Variants in ARB2A observed in about 807,000 individuals in gnomAD.
ARB2A encodes ARB2 cotranscriptional regulator A.
the ARB2A span, among the ~76,000 whole-genome samples, chr5:94,018,497 C>A: frequency 6.6e-6 from 1 of 152,100 alleles, no homozygotes; most frequent in Non-Finnish European, 1.5e-5. Flanking sequence ...CTACCAAAAA[C>A]TGAAGAGCAA....
chr5:93,817,502 C>T, the ARB2A span, among the ~76,000 whole-genome samples: 1 of 152,086 alleles, frequency 6.6e-6, no homozygotes. Flanking sequence ...AAAAGCAAGA[C>T]CTAGAACAGC....
At chr5:93,620,879 T>C in the ARB2A span, 1 of 1,469,260 alleles carries the variant, frequency 6.8e-7, no homozygotes, top group Non-Finnish European at 9.1e-7. Context: ...CCCTGGGCTC[T>C]GGGAAGAAAA....
the ARB2A span, among the ~76,000 whole-genome samples, chr5:93,877,554 T>C: frequency 8.5e-5 from 13 of 152,206 alleles, no homozygotes; most frequent in Admixed American, 3.3e-4. Flanking sequence ...CCAAAACATA[T>C]AAAGCACGCT....
chr5:94,077,372 C>CAA, the ARB2A span, among the ~76,000 whole-genome samples: 6 of 108,768 alleles, frequency 5.5e-5, no homozygotes, highest in Non-Finnish European at 9.6e-5. Context: ...GACTCTGTCT[C>CAA]AAAAAAAAAA....
the ARB2A span, among the ~76,000 whole-genome samples, chr5:94,091,100 C>T: frequency 1.1e-3 from 165 of 152,086 alleles, 1 homozygote; most frequent in African/African-American, 3.4e-3. Context: ...AGGAAGTGGA[C>T]GCGCAAGACA....
chr5:94,111,625 G>C, the ARB2A span: 1 of 152,228 alleles, frequency 6.6e-6, no homozygotes, highest in Non-Finnish European at 1.5e-5. Context: ...CTCGGGATCC[G>C]CGCCCCGACC....
chr5:93,937,183 G>C, the ARB2A span, among the ~76,000 whole-genome samples: 1 of 151,340 alleles, frequency 6.6e-6, no homozygotes, highest in Non-Finnish European at 1.5e-5. Context: ...AATTATAAAG[G>C]TTTAATATAA....
the ARB2A span, among the ~76,000 whole-genome samples, chr5:93,672,924 T>C: frequency 6.6e-6 from 1 of 152,206 alleles, no homozygotes; most frequent in Non-Finnish European, 1.5e-5. Context: ...GTTTCTCGCA[T>C]TTCTACTTGG....
chr5:93,741,536 A>T, the ARB2A span: 6 of 1,595,148 alleles, frequency 3.8e-6, no homozygotes, highest in Non-Finnish European at 5.1e-6. Flanking sequence ...AGGGGGCAGA[A>T]GTGGTTTGAG....
the ARB2A span, among the ~76,000 whole-genome samples, chr5:93,724,643 T>G: frequency 6.6e-6 from 1 of 151,994 alleles, no homozygotes; most frequent in Non-Finnish European, 1.5e-5. Context: ...CAAGCTAATT[T>G]TGAAATATAG....
chr5:94,015,194 C>A, the ARB2A span, among the ~76,000 whole-genome samples: 1 of 152,176 alleles, frequency 6.6e-6, no homozygotes, highest in East Asian at 1.9e-4. Context: ...AGTCTGGCAA[C>A]AGACTTCTCA....
chr5:94,062,509 G>A, the ARB2A span, among the ~76,000 whole-genome samples: 1 of 152,254 alleles, frequency 6.6e-6, no homozygotes, highest in Non-Finnish European at 1.5e-5. Flanking sequence ...TGTGGGAAAA[G>A]GATAAGTGAA....
At chr5:93,889,311 C>A in the ARB2A span, among the ~76,000 whole-genome samples, 1 of 151,626 alleles carries the variant, frequency 6.6e-6, no homozygotes, top group Non-Finnish European at 1.5e-5. Context: ...GTGTTGTATA[C>A]ATTCACATAT....
the ARB2A span, among the ~76,000 whole-genome samples, chr5:93,806,204 T>C: frequency 0.021 from 3,118 of 151,984 alleles, 108 homozygotes; most frequent in African/African-American, 0.071. Flanking sequence ...ACAGATTGGA[T>C]TTAGTTTTGA....
At chr5:94,097,151 T>C in the ARB2A span, among the ~76,000 whole-genome samples, 1 of 152,202 alleles carries the variant, frequency 6.6e-6, no homozygotes, top group Non-Finnish European at 1.5e-5. Context: ...TAGCATATAC[T>C]GACTGTCAGG....
the ARB2A span, chr5:94,074,603 A>T: frequency 2.1e-6 from 3 of 1,452,866 alleles, no homozygotes; most frequent in South Asian, 2.4e-5. Context: ...CACCTTTATT[A>T]GGCACAATGA....
chr5:93,727,636 T>C, the ARB2A span, among the ~76,000 whole-genome samples: 1 of 152,048 alleles, frequency 6.6e-6, no homozygotes, highest in Admixed American at 6.6e-5. Context: ...CCCAGTGGAA[T>C]GCACTAAACA....
the ARB2A span, among the ~76,000 whole-genome samples, chr5:93,749,765 C>A: frequency 6.6e-6 from 1 of 152,002 alleles, no homozygotes; most frequent in Admixed American, 6.6e-5. Context: ...TTTGTAATAT[C>A]TAGAGTAAAA....
the ARB2A span, among the ~76,000 whole-genome samples, chr5:93,869,191 A>G: frequency 6.6e-6 from 1 of 152,186 alleles, no homozygotes; most frequent in Admixed American, 6.5e-5. Context: ...TACTGCTTCT[A>G]ACCTGACAAG....
Sources: gnomAD v4.1 joint callset for allele counts (sites outside exome capture counted in the v4.1 genomes callset) on GRCh38, gnomAD v4.1.1 for gene constraint, MANE v1.5 for transcripts, NCBI Gene and HGNC (gene_info 2026-07-23, HGNC 2026-07-21) for gene names.